ZNF469: variants seen among roughly 807,000 people sequenced by gnomAD.
The protein encoded by ZNF469 is zinc finger protein 469.
In ZNF469, 1 loss-of-function variant was observed where a neutral mutation model predicts 1.0. The observed-to-expected ratio is 1.00, with a 90% CI of 0.35 to 4.73. The LOEUF (loss-of-function observed/expected upper bound fraction) is 4.73, where lower values mean the gene tolerates loss of function less well. ZNF469 is among the 30% of genes most tolerant of loss of function. The probability of loss-of-function intolerance (pLI) is 0.16; values close to 1 mark genes in which losing one functional copy is unlikely to be tolerated. For missense variants in ZNF469, 6,100 were observed against 5,356.3 expected, an observed-to-expected ratio of 1.14 and a Z score of -4.33; for synonymous variants, 2,703 against 2,363.4, an observed-to-expected ratio of 1.14 and a Z score of -4.17.
chr16:88,435,606 G>T lies in ZNF469; in HGVS notation c.8136G>T (p.Glu2712Asp), dbSNP rs1176778517. ...AGGGTGCAGCGGAGACTGACCAGGA[G>T]GCTCTGTGTGCAGGGGAGACTGGGG... ...VMEGAAETDQ[E>D]ALCAGETGAQ... Residue 2712 changes from glutamate (E) to aspartate (D), a missense_variant, in exon 3 of 3, where the codon GAG becomes GAT. By Grantham distance (45) the Glu-to-Asp change is conservative. Transcript: ENST00000565624. 1.3e-6 allele frequency: 2 copies of T among 1,550,190 alleles called. No homozygotes were observed. Among genetic ancestry groups the T allele is most frequent in the African/African-American group, 2.7e-5 (2 of 73,036 alleles).
the ZNF469 span, among the ~76,000 whole-genome samples, chr16:88,118,358 C>G: frequency 2.0e-5 from 3 of 152,216 alleles, no homozygotes; most frequent in African/African-American, 7.2e-5. Context: ...TTTTCACGGG[C>G]TCTCCATAGC....
chr16:88,115,606 C>T, the ZNF469 span, among the ~76,000 whole-genome samples: 2 of 147,202 alleles, frequency 1.4e-5, no homozygotes, highest in African/African-American at 5.1e-5. Flanking sequence ...TCCTGGACTT[C>T]CTAACTCTAG....
At chr16:88,250,208 A>G in the ZNF469 span, among the ~76,000 whole-genome samples, 4 of 152,126 alleles carry the variant, frequency 2.6e-5, no homozygotes, top group Non-Finnish European at 4.4e-5. Context: ...CCTCCGTGGG[A>G]CTTCCCTCTC....
At chr16:88,215,112 T>C in the ZNF469 span, among the ~76,000 whole-genome samples, 2 of 152,206 alleles carry the variant, frequency 1.3e-5, no homozygotes, top group African/African-American at 4.8e-5. Flanking sequence ...GGCATGTCTA[T>C]TGTAATCAGC....
Position 88,428,698 on chromosome 16 carries a change from G to A in ZNF469, c.1228G>A (p.Ala410Thr). The part of the protein sequence containing the change: ...SLPQRHFPGQ[A>T]YRASGVDTSP... ...ACCCCAGAGGCACTTTCCAGGGCAG[G>A]CGTACAGAGCCAGTGGGGTGGACAC... Residue 410 changes from alanine (A) to threonine (T), a missense_variant, in exon 3 of 3, where the codon GCG becomes ACG. By Grantham distance (58) the Ala-to-Thr change is moderately conservative. Coordinates refer to ENST00000565624, the MANE Select transcript of ZNF469 (RefSeq NM_001367624.2). The A allele has an allele frequency of 1.3e-6, 2 of 1,549,208 alleles. No homozygotes were observed. The highest frequency in any genetic ancestry group is 1.7e-6 in the Non-Finnish European group (2 of 1,146,782).
chr16:88,339,653 GGGGATGGGGGACATGGCAGA>G, the ZNF469 span, among the ~76,000 whole-genome samples: 9 of 56,568 alleles, frequency 1.6e-4, 1 homozygote, highest in South Asian at 3.6e-3. Context: ...GACGTGGCAG[GGGGATGGGGGACATGGCAGA>G]GGGATGGGGA....
At chr16:88,311,591 T>G in the ZNF469 span, among the ~76,000 whole-genome samples, 3 of 152,310 alleles carry the variant, frequency 2.0e-5, no homozygotes, top group African/African-American at 7.2e-5. Flanking sequence ...CTGCCCTCCG[T>G]CAGTGGTTCA....
the ZNF469 span, among the ~76,000 whole-genome samples, chr16:88,204,444 G>C: frequency 6.6e-6 from 1 of 152,220 alleles, no homozygotes; most frequent in Non-Finnish European, 1.5e-5. Flanking sequence ...CTGCCATTCT[G>C]TTTCCCACTT....
the ZNF469 span, among the ~76,000 whole-genome samples, chr16:88,372,666 A>T: frequency 6.7e-6 from 1 of 149,990 alleles, no homozygotes; most frequent in Non-Finnish European, 1.5e-5. Context: ...TACCATCTTC[A>T]CCATCATCAC....
At chr16:88,135,761 T>C in the ZNF469 span, among the ~76,000 whole-genome samples, 271 of 137,616 alleles carry the variant, frequency 2.0e-3, 28 homozygotes, top group African/African-American at 6.3e-3. Context: ...TTTTTTTTTT[T>C]TTTTTTTTTT....
chr16:88,106,556 C>A, the ZNF469 span, among the ~76,000 whole-genome samples: 1 of 152,260 alleles, frequency 6.6e-6, no homozygotes, highest in African/African-American at 2.4e-5. Flanking sequence ...CTGCCTGTGC[C>A]CACGTGTCTA....
the ZNF469 span, among the ~76,000 whole-genome samples, chr16:88,365,843 A>T: frequency 6.6e-6 from 1 of 152,146 alleles, no homozygotes; most frequent in African/African-American, 2.4e-5. Flanking sequence ...CAATGCCGCC[A>T]CACAAGCTAC....
chr16:88,402,731 C>T (rs1349001892), intron 1 of ZNF469, among the ~76,000 whole-genome samples: 2 of 152,242 alleles, frequency 1.3e-5, no homozygotes, highest in Non-Finnish European at 2.9e-5. Flanking sequence ...GGCCCGGCCC[C>T]CGCCTGCCTC....
the ZNF469 span, among the ~76,000 whole-genome samples, chr16:88,237,664 C>T: frequency 2.7e-4 from 5 of 18,328 alleles, no homozygotes; most frequent in African/African-American, 6.9e-4. Context: ...CCCTGCCCTC[C>T]GTGCTCCTGC....
At chr16:88,169,877 TG>T in the ZNF469 span, among the ~76,000 whole-genome samples, 1 of 152,302 alleles carries the variant, frequency 6.6e-6, no homozygotes, top group African/African-American at 2.4e-5. This position sits in a 1 kb window ranked among gnomAD's most constrained non-coding sequence, Gnocchi z 6.1. Context: ...CCAGTCTCTC[TG>T]GGGTCGGCCC....
At chr16:88,305,141 C>G in the ZNF469 span, among the ~76,000 whole-genome samples, 1 of 152,176 alleles carries the variant, frequency 6.6e-6, no homozygotes, top group African/African-American at 2.4e-5. Flanking sequence ...CCTTCTGAGT[C>G]CTAATGTCCA....
At chr16:88,113,712 G>C in the ZNF469 span, among the ~76,000 whole-genome samples, 1 of 152,226 alleles carries the variant, frequency 6.6e-6, no homozygotes, top group Non-Finnish European at 1.5e-5. Flanking sequence ...TGGCCCCTCT[G>C]GGACAGGCGG....
the ZNF469 span, among the ~76,000 whole-genome samples, chr16:88,183,676 T>G: frequency 6.6e-6 from 1 of 152,100 alleles, no homozygotes; most frequent in South Asian, 2.1e-4. Flanking sequence ...GGGGCAGAAG[T>G]GCCCCACTCT....
At chr16:88,249,414 TTTCTTTTTCTTTTTC>T in the ZNF469 span, among the ~76,000 whole-genome samples, 1 of 92,308 alleles carries the variant, frequency 1.1e-5, no homozygotes, top group African/African-American at 4.7e-5. Flanking sequence ...TTTCTTTTTC[TTTCTTTTTCTTTTTC>T]TTTTTTTTTT....
Sources: allele counts gnomAD v4.1 joint callset (sites outside exome capture counted in the v4.1 genomes callset), GRCh38; gene constraint gnomAD v4.1.1; non-coding constraint Gnocchi (gnomAD v3.1); transcripts MANE v1.5; gene names NCBI Gene and HGNC (gene_info 2026-07-23, HGNC 2026-07-21).